The following BPIFB4 variants were observed in gnomAD, a reference collection of about 807,000 sequenced individuals.
BPIFB4 encodes the protein BPI fold containing family B member 4, also known as BPI fold-containing family B member 4.
Under a neutral mutation model 69.2 loss-of-function variants are expected in BPIFB4, and 62 were observed. The ratio of observed to expected loss-of-function variants is 0.90; its 90% CI spans 0.73 to 1.11. BPIFB4 has a LOEUF of 1.11. Ranked by LOEUF, BPIFB4 falls within the 50% of genes least tolerant of loss-of-function variation. The probability of loss-of-function intolerance (pLI) is 0.00; values close to 1 mark genes in which losing one functional copy is unlikely to be tolerated. For synonymous variants in BPIFB4, 330 were observed against 332.7 expected, an observed-to-expected ratio of 0.99 and a Z score of 0.09; for missense variants, 789 against 792.0, an observed-to-expected ratio of 1.00 and a Z score of 0.04.
At chr20:33,085,919 G>A in intron 6 of BPIFB4, 102 bp from the exon 7 acceptor site, 5 of 1,397,388 alleles carry the variant, frequency 3.6e-6, no homozygotes, top group Non-Finnish European at 5.0e-6. Context: ...TGAGCAAGGA[G>A]CGTAGCAGAT....
Position 33,107,806 on chromosome 20 carries a change from A to G in BPIFB4, c.1807A>G (p.Ile603Val), listed in dbSNP as rs761951160. Residue 603 changes from isoleucine (I) to valine (V), a missense_variant, in exon 17 of 18, where the codon ATT becomes GTT. Transcript: ENST00000375483. ...ILNIDFSNAD[I>V]DVLEDLLVLS... The stretch of plus-strand genomic sequence containing the variant: ...CAACATCGACTTTAGCAATGCAGAC[A>G]TTGACGTGTTGGAGGTAAGAGGAGA... 1 of 1,613,934 alleles carries G rather than the reference A, an allele frequency of 6.2e-7. No homozygotes were observed. Among genetic ancestry groups the G allele is most frequent in the Non-Finnish European group, 8.5e-7 (1 of 1,179,844 alleles).
At position 33,102,834 on chromosome 20, in the gene BPIFB4, A is replaced by G. The variant is rs1007142967; in HGVS notation, c.1638-138A>G. On this transcript the variant is annotated intron_variant, in intron 14 of 17. Coordinates refer to ENST00000375483, the MANE Select transcript of BPIFB4 (RefSeq NM_182519.3). ...TAGCGCTCAGCATGTGAGAGCCAGCATTGTTCTTATTAAATCCCTGCAGGT... is the reference window on the plus strand; with the variant it reads ...TAGCGCTCAGCATGTGAGAGCCAGCGTTGTTCTTATTAAATCCCTGCAGGT... The G allele has an allele frequency of 3.4e-6, 3 of 880,654 alleles. No individual in the cohort carries two copies. In the African/African-American group the frequency reaches 4.9e-5, roughly 15 times the overall value. The allele number at this position is 880,654 out of a possible 1,614,324, so 54.6% of individuals were successfully genotyped here.
chr20:33,080,914 T>C (rs968003773), intron 2 of BPIFB4, among the ~76,000 whole-genome samples: 15 of 151,836 alleles, frequency 9.9e-5, no homozygotes, highest in Non-Finnish European at 1.9e-4. Flanking sequence ...GATTAATAAA[T>C]AGAGGGAGGA....
chr20:33,082,628 G>A (rs988290647), intron 3 of BPIFB4, among the ~76,000 whole-genome samples: 24 of 152,068 alleles, frequency 1.6e-4, no homozygotes, highest in African/African-American at 4.1e-4. Flanking sequence ...CACCACGCCC[G>A]TCCTGAAGTC....
chr20:33,099,974 G>T (rs1318951662), intron 13 of BPIFB4, among the ~76,000 whole-genome samples: 3 of 152,092 alleles, frequency 2.0e-5, no homozygotes, highest in Non-Finnish European at 4.4e-5. Context: ...CTCTCCTGGG[G>T]ATGGGACAGT....
At chr20:33,103,733 G>T (rs1981969699) in intron 15 of BPIFB4, among the ~76,000 whole-genome samples, 1 of 152,022 alleles carries the variant, frequency 6.6e-6, no homozygotes, top group Non-Finnish European at 1.5e-5. Context: ...CCCATTCATT[G>T]TGTTGCTAAT....
intron 5 of BPIFB4, among the ~76,000 whole-genome samples, chr20:33,084,315 A>G (rs780362502): frequency 6.6e-5 from 10 of 152,246 alleles, no homozygotes; most frequent in African/African-American, 1.2e-4. Context: ...CACTGGGGAC[A>G]TGACCCAATG....
In BPIFB4 at chr20:33,095,553, A is replaced by G. The variant is rs145986334; in HGVS notation, c.1398+400A>G. ...TGAGATGATGCATGTAAAGGTGTCA[A>G]CGCGGGCCAGGCACACTCGGGTGCA... On this transcript the variant is annotated intron_variant, in intron 12 of 17. Transcript: ENST00000375483. Among the ~76,000 whole-genome samples the G allele has an allele frequency of 3.1e-3, 465 of 152,306 alleles. 3 individuals are homozygous for G. Among genetic ancestry groups the G allele is most frequent in the Non-Finnish European group, 5.7e-3 (387 of 68,028 alleles).
chr20:33,092,422 C>A (rs1281807892), intron 10 of BPIFB4, 36 bp from the exon 11 acceptor site: 1 of 1,566,718 alleles, frequency 6.4e-7, no homozygotes, highest in Non-Finnish European at 8.8e-7. Flanking sequence ...TCCATCTTCT[C>A]CCTCCCTGTG....
intron 9 of BPIFB4, among the ~76,000 whole-genome samples, chr20:33,090,180 C>T (rs2146406992): frequency 6.6e-6 from 1 of 152,348 alleles, no homozygotes; most frequent in Middle Eastern, 3.4e-3. Context: ...CACAGCCACA[C>T]AGGGCAGCCG....
In BPIFB4 at chr20:33,109,861, T is replaced by TGTAGGCCCC. The variant is rs1982185552; in HGVS notation, c.1822-1553_1822-1552insGTAGGCCCC. On this transcript the variant is annotated intron_variant, in intron 17 of 17. Coordinates refer to ENST00000375483, the MANE Select transcript of BPIFB4 (RefSeq NM_182519.3). ...TTTAAAGAAAACCTCAGTCCCAGGCTTGACCCTGTAGGCCCCCTGTAAATG... is the reference window on the plus strand; with the variant it reads ...TTTAAAGAAAACCTCAGTCCCAGGCTGTAGGCCCCTGACCCTGTAGGCCCCCTGTAAATG... Among the ~76,000 whole-genome samples, 12 of 152,334 alleles carry TGTAGGCCCC rather than the reference T, an allele frequency of 7.9e-5. No homozygotes were observed. In the South Asian group the frequency reaches 2.3e-3, roughly 29 times the overall value.
At chr20:33,083,232 G>A in intron 4 of BPIFB4, 135 bp from the exon 5 acceptor site, 2 of 756,922 alleles carry the variant, frequency 2.6e-6, no homozygotes, top group South Asian at 3.3e-5. Context: ...GGCAGTGGTG[G>A]GGGGCTGCTG....
At chr20:33,082,290 T>C (rs143454072) in intron 3 of BPIFB4, among the ~76,000 whole-genome samples, 95 of 152,284 alleles carry the variant, frequency 6.2e-4, no homozygotes, top group African/African-American at 2.1e-3. Context: ...CTTGACTATT[T>C]CCCAAGAATC....
intron 17 of BPIFB4, 75 bp from the exon 18 acceptor site, chr20:33,111,339 C>T (rs1323586709): frequency 5.1e-6 from 8 of 1,581,698 alleles, no homozygotes; most frequent in East Asian, 4.5e-5. Context: ...CGGCCAGATC[C>T]GTAGGCAGGT....
intron 17 of BPIFB4, 49 bp downstream of exon 17, chr20:33,107,869 C>T (rs377019725): frequency 1.2e-5 from 18 of 1,522,350 alleles, no homozygotes; most frequent in Middle Eastern, 1.7e-4. Flanking sequence ...GCCCTTTGCT[C>T]ATCACCTTTG....
At position 33,097,599 on chromosome 20, in the gene BPIFB4, C is replaced by G. The variant is rs13041016; in HGVS notation, c.1399-18C>G. ...TATGCTAAGGGCCCTGTCCATCTGG[C>G]CTGGTGCCTGCCCACAGGTGTTCCA... is the stretch of plus-strand genomic sequence containing the variant. On this transcript the variant is annotated intron_variant, in intron 12 of 17. Transcript: ENST00000375483. The G allele has an allele frequency of 1.2e-6, 2 of 1,610,758 alleles. No individual in the cohort carries two copies. The highest frequency in any genetic ancestry group is 2.7e-5 in the African/African-American group (2 of 74,904).
In BPIFB4 at chr20:33,104,972, A is replaced by G. The variant is rs1982007552; in HGVS notation, c.1744+99A>G. 5 of 1,224,736 alleles carry G rather than the reference A, an allele frequency of 4.1e-6. No individual in the cohort carries two copies. The Admixed American group carries it at 6.4e-5, about 16-fold the overall frequency. The allele number at this position is 1,224,736 out of a possible 1,614,324, so 75.9% of individuals were successfully genotyped here. On this transcript the variant is annotated intron_variant, in intron 16 of 17. Coordinates refer to ENST00000375483, the MANE Select transcript of BPIFB4 (RefSeq NM_182519.3). Reference sequence around the variant, plus strand: ...CTGGATGTGCATCTATCCTACCTCAATAGTATTTCTGAGCACTTCCTTTGA... The same window carrying G: ...CTGGATGTGCATCTATCCTACCTCAGTAGTATTTCTGAGCACTTCCTTTGA...
chr20:33,081,716 C>T (rs1347525643), intron 3 of BPIFB4, 84 bp downstream of exon 3: 1 of 1,520,176 alleles, frequency 6.6e-7, no homozygotes, highest in African/African-American at 1.4e-5. Flanking sequence ...GGAACCTCCT[C>T]CTGCTAGCAG....
chr20:33,102,001 T>C (rs1981920945), intron 14 of BPIFB4, among the ~76,000 whole-genome samples: 1 of 152,252 alleles, frequency 6.6e-6, no homozygotes, highest in Admixed American at 6.5e-5. Flanking sequence ...CCAATGGCAG[T>C]TACTCGTGAT....
Sources: allele counts gnomAD v4.1 joint callset (sites outside exome capture counted in the v4.1 genomes callset), GRCh38; gene constraint gnomAD v4.1.1; transcripts MANE v1.5; gene names NCBI Gene and HGNC (gene_info 2026-07-23, HGNC 2026-07-21).